SMIM31: variants seen among roughly 807,000 people sequenced by gnomAD.
SMIM31 encodes small integral membrane protein 31.
At chr4:164,773,239 A>C (rs1196948319) in intron 2 of SMIM31, among the ~76,000 whole-genome samples, 1 of 152,058 alleles carries the variant, frequency 6.6e-6, no homozygotes, top group Admixed American at 6.6e-5. Context: ...ACAGAGCACA[A>C]ATTTGTGATT....
Position 164,768,995 on chromosome 4 carries a change from T to A in SMIM31, c.-25-1424T>A, listed in dbSNP as rs371601890. On this transcript the variant is annotated intron_variant, in intron 1 of 2. Coordinates refer to ENST00000507311, the MANE Select transcript of SMIM31 (RefSeq NM_001352885.1). ...TCACACATGATTCTGGGAGCCTCTT[T>A]TTCCCAGTGATCTTTGTCTCCCCTC... Among the ~76,000 whole-genome samples, 6 of 152,312 alleles carry A rather than the reference T, an allele frequency of 3.9e-5. No individual in the cohort carries two copies. In the East Asian group the frequency reaches 1.2e-3, roughly 29 times the overall value.
At chr4:164,770,977 C>A (rs1226195210) in intron 2 of SMIM31, among the ~76,000 whole-genome samples, 1 of 152,126 alleles carries the variant, frequency 6.6e-6, no homozygotes, top group Non-Finnish European at 1.5e-5. Context: ...GGAAATGATA[C>A]ATTTGGGAAC....
intron 1 of SMIM31, among the ~76,000 whole-genome samples, chr4:164,764,368 A>G (rs1732691827): frequency 2.0e-5 from 3 of 152,080 alleles, no homozygotes; most frequent in Admixed American, 2.0e-4. Context: ...AGAGATCAAG[A>G]CCATCCTGGC....
At chr4:164,766,292 T>A (rs1732719493) in intron 1 of SMIM31, among the ~76,000 whole-genome samples, 1 of 152,154 alleles carries the variant, frequency 6.6e-6, no homozygotes, top group Non-Finnish European at 1.5e-5. Flanking sequence ...ACATCTTCAA[T>A]CCAGAGTTTC....
At chr4:164,791,276 A>G (rs138222449) in intron 2 of SMIM31, among the ~76,000 whole-genome samples, 1 of 152,326 alleles carries the variant, frequency 6.6e-6, no homozygotes, top group East Asian at 1.9e-4. Flanking sequence ...TTTGCCTGCT[A>G]TGAAAGAAGA....
intron 2 of SMIM31, among the ~76,000 whole-genome samples, chr4:164,788,489 T>C (rs1412368504): frequency 3.5e-5 from 4 of 115,352 alleles, no homozygotes; most frequent in African/African-American, 1.0e-4. Flanking sequence ...TTTTTTTTTT[T>C]TTTTTTTTTT....
In SMIM31 at chr4:164,768,109, C is replaced by A. The variant is rs140221069; in HGVS notation, c.-25-2310C>A. ...AATTCGCTGGGCGTAACAGTGCATG[C>A]CTGTAGCCCCCAGCTATTCTGGAGG... is the stretch of plus-strand genomic sequence containing the variant. On this transcript the variant is annotated intron_variant, in intron 1 of 2. Transcript: ENST00000507311. Among the ~76,000 whole-genome samples the A allele has an allele frequency of 2.9e-4, 44 of 151,842 alleles. No individual in the cohort carries two copies. The East Asian group carries it at 5.4e-3, about 19-fold the overall frequency.
intron 1 of SMIM31, among the ~76,000 whole-genome samples, chr4:164,768,291 A>AAG (rs1427301647): frequency 6.6e-6 from 1 of 150,518 alleles, no homozygotes. Flanking sequence ...AAGAGAGGGA[A>AAG]AGAGAGAGAG....
At chr4:164,780,526 C>A (rs1038277487) in intron 2 of SMIM31, among the ~76,000 whole-genome samples, 2 of 152,200 alleles carry the variant, frequency 1.3e-5, no homozygotes, top group Non-Finnish European at 2.9e-5. Flanking sequence ...CTTTGTAGAT[C>A]AATGAATCCT....
At chr4:164,782,283 C>T (rs1415833326) in intron 2 of SMIM31, among the ~76,000 whole-genome samples, 1 of 151,144 alleles carries the variant, frequency 6.6e-6, no homozygotes, top group Non-Finnish European at 1.5e-5. Context: ...GAGTGAAACT[C>T]CGTCTCACAA....
At chr4:164,772,169 A>G (rs888480568) in intron 2 of SMIM31, among the ~76,000 whole-genome samples, 15 of 152,188 alleles carry the variant, frequency 9.9e-5, no homozygotes, top group African/African-American at 7.2e-5. Flanking sequence ...AAAGCCTCCA[A>G]TCATGGTGGA....
At chr4:164,783,585 T>TCTAAATGTCTGCCAATA (rs147560190) in intron 2 of SMIM31, among the ~76,000 whole-genome samples, 2,901 of 150,528 alleles carry the variant, frequency 0.019, 82 homozygotes, top group African/African-American at 0.061. Flanking sequence ...AAATGAAATT[T>TCTAAATGTCTGCCAATA]CAGAAAACAG....
chr4:164,758,622 C>CTTTTTT lies in SMIM31; in HGVS notation c.-26+4213_-26+4218dup, dbSNP rs779023276. Reference sequence around the variant, plus strand: ...GGAAATGACCATATATGTAGTTTTCCTTTTTTTGTTTTTTTTTTTTTTTTT... The same window carrying CTTTTTT: ...GGAAATGACCATATATGTAGTTTTCCTTTTTTTTTTTTTGTTTTTTTTTTTTTTTTT... On this transcript the variant is annotated intron_variant, in intron 1 of 2. Coordinates refer to ENST00000507311, the MANE Select transcript of SMIM31 (RefSeq NM_001352885.1). Among the ~76,000 whole-genome samples, 110 of 105,388 alleles carry CTTTTTT rather than the reference C, an allele frequency of 1.0e-3. 7 individuals carry two copies. Among genetic ancestry groups the CTTTTTT allele is most frequent in the Non-Finnish European group, 1.6e-3 (82 of 51,314 alleles). The allele number at this position is 105,388 out of a possible 152,430, so 69.1% of individuals were successfully genotyped here.
At chr4:164,785,625 C>CTT (rs1733016739) in intron 2 of SMIM31, among the ~76,000 whole-genome samples, 1 of 145,870 alleles carries the variant, frequency 6.9e-6, no homozygotes, top group South Asian at 2.2e-4. Flanking sequence ...TTTACATAAT[C>CTT]TTTAAACTTA....
In SMIM31 at chr4:164,802,089, C is replaced by T. The variant is rs914248681; in HGVS notation, c.*895C>T. 3.3e-5 allele frequency: 5 copies of T among 152,008 alleles called. No individual in the cohort carries two copies. Among genetic ancestry groups the T allele is most frequent in the Non-Finnish European group, 7.3e-5 (5 of 68,136 alleles). 9.4% of individuals were successfully genotyped at this position (152,008 alleles called of 1,614,324 possible). A position where few individuals can be genotyped will look rare whatever the true frequency, so the allele number is the denominator to read the frequency against. On this transcript the variant is annotated 3_prime_UTR_variant, in exon 3 of 3. Transcript: ENST00000507311. The stretch of plus-strand genomic sequence containing the variant: ...TCTACTAAAAATACAAAAAATTAGC[C>T]GAGCGTGGTGGCGGGCGCCTATAGT...
chr4:164,770,834 T>C (rs1417147248), intron 2 of SMIM31, among the ~76,000 whole-genome samples: 1 of 152,180 alleles, frequency 6.6e-6, no homozygotes. Context: ...TTTTTCCTCA[T>C]TGCCAGTAAA....
At chr4:164,772,427 A>G (rs1732816789) in intron 2 of SMIM31, among the ~76,000 whole-genome samples, 1 of 152,168 alleles carries the variant, frequency 6.6e-6, no homozygotes, top group Admixed American at 6.5e-5. Flanking sequence ...CACAGATCCA[A>G]ACCGTTATCA....
chr4:164,756,414 C>CA (rs550601164), intron 1 of SMIM31, among the ~76,000 whole-genome samples: 50 of 151,392 alleles, frequency 3.3e-4, no homozygotes, highest in African/African-American at 4.6e-4. Context: ...ACTAAAAATA[C>CA]AAAAAAAATT....
intron 1 of SMIM31, among the ~76,000 whole-genome samples, chr4:164,766,580 C>T (rs888279260): frequency 5.9e-5 from 9 of 152,062 alleles, no homozygotes; most frequent in Middle Eastern, 3.4e-3. Context: ...AGGCGGATCA[C>T]GAGGTCAGGA....
Sources: gnomAD v4.1 joint callset for allele counts (sites outside exome capture counted in the v4.1 genomes callset) on GRCh38, gnomAD v4.1.1 for gene constraint, MANE v1.5 for transcripts, NCBI Gene and HGNC (gene_info 2026-07-23, HGNC 2026-07-21) for gene names.